The following TMEM131L variants were observed in gnomAD, a reference collection of about 807,000 sequenced individuals.
The protein encoded by TMEM131L is transmembrane 131 like.
Under a neutral mutation model 192.2 loss-of-function variants are expected in TMEM131L, and 54 were observed. The observed-to-expected ratio is 0.28, with a 90% CI of 0.23 to 0.35. TMEM131L has a LOEUF of 0.35. Among genes scored for constraint, TMEM131L ranks in the 10% least tolerant of loss-of-function variants. The pLI, the probability that TMEM131L is intolerant of heterozygous loss-of-function variation, is 1.00. For missense variants in TMEM131L, 1,888 were observed against 1,972.9 expected (o/e 0.96, Z 0.82); for synonymous variants, 701 against 704.9 (o/e 0.99, Z 0.09).
chr4:153,478,795 A>G (rs1731725329), intron 3 of TMEM131L, among the ~76,000 whole-genome samples: 1 of 152,188 alleles, frequency 6.6e-6, no homozygotes, highest in Admixed American at 6.5e-5. Context: ...TTATTTATGA[A>G]GTTATTAACA....
At chr4:153,557,250 G>A (rs1257648641) in intron 6 of TMEM131L, among the ~76,000 whole-genome samples, 168 bp downstream of exon 6, 1 of 152,192 alleles carries the variant, frequency 6.6e-6, no homozygotes, top group East Asian at 1.9e-4. Flanking sequence ...TTTTCTGCCT[G>A]ACATGCCACA....
chr4:153,521,911 C>A (rs1445214577), intron 3 of TMEM131L, among the ~76,000 whole-genome samples: 1 of 147,992 alleles, frequency 6.8e-6, no homozygotes, highest in Non-Finnish European at 1.5e-5. Flanking sequence ...ACAAGAAGTG[C>A]ATGTTTATTT....
In TMEM131L at chr4:153,602,544, T is replaced by C; in HGVS notation, c.2456T>C (p.Phe819Ser). Residue 819 changes from phenylalanine (F) to serine (S), a missense_variant and splice_region_variant, in exon 23 of 35, where the codon TTC becomes TCC. By Grantham distance (155) the Phe-to-Ser change is radical (BLOSUM62 -2). Coordinates refer to ENST00000409959, the MANE Select transcript of TMEM131L (RefSeq NM_001131007.2). Reference protein sequence around the residue: ...PNTSRDISIVFTPDFTSSWVI... With the variant: ...PNTSRDISIVSTPDFTSSWVI... ...AAAGATGACTCTTTTATTTTCAGGT[T>C]CACTCCAGACTTTACCTCCTCCTGG... 1 of 1,613,318 alleles carries C rather than the reference T, an allele frequency of 6.2e-7. No homozygotes were observed. Among genetic ancestry groups the C allele is most frequent in the Non-Finnish European group, 8.5e-7 (1 of 1,179,712 alleles).
intron 31 of TMEM131L, among the ~76,000 whole-genome samples, chr4:153,628,672 C>A (rs1360434804): frequency 1.3e-5 from 2 of 152,256 alleles, no homozygotes; most frequent in East Asian, 3.9e-4. Flanking sequence ...ATTAAATAAT[C>A]CATAGTTTGC....
chr4:153,611,159 GGCTGCTCCACA>G (rs1732583243), intron 25 of TMEM131L, among the ~76,000 whole-genome samples: 2 of 152,210 alleles, frequency 1.3e-5, no homozygotes. Context: ...TCTGCCGATT[GGCTGCTCCACA>G]GGGGCAGGGC....
At chr4:153,604,491 A>C (rs1212109187) in intron 25 of TMEM131L, 61 bp downstream of exon 25, 3 of 1,466,260 alleles carry the variant, frequency 2.0e-6, no homozygotes, top group Admixed American at 4.3e-5. Flanking sequence ...TTTTTAATGG[A>C]ATTGTTCTCA....
chr4:153,628,927 C>G (rs1285637398), intron 31 of TMEM131L, among the ~76,000 whole-genome samples: 1 of 152,148 alleles, frequency 6.6e-6, no homozygotes, highest in Admixed American at 6.5e-5. Flanking sequence ...CAGTCTGTTG[C>G]CTGCAAAGCT....
intron 3 of TMEM131L, among the ~76,000 whole-genome samples, chr4:153,504,545 C>G (rs904643107): frequency 6.6e-6 from 1 of 152,010 alleles, no homozygotes; most frequent in Non-Finnish European, 1.5e-5. Context: ...GCCTTAGCCT[C>G]CCAAAGTGCT....
intron 17 of TMEM131L, 96 bp from the exon 18 acceptor site, chr4:153,592,379 A>G (rs1371158): frequency 0.29 from 223,666 of 759,620 alleles, 34,564 homozygotes; most frequent in Non-Finnish European, 0.33. Context: ...GTTACATGAT[A>G]TTTCCTCATG....
intron 19 of TMEM131L, among the ~76,000 whole-genome samples, chr4:153,595,458 T>C (rs1578826866): frequency 1.2e-5 from 1 of 81,232 alleles, no homozygotes; most frequent in African/African-American, 3.6e-5. Flanking sequence ...ATGAATCAAA[T>C]AATCAAATAC....
At position 153,587,725 on chromosome 4, in the gene TMEM131L, A is replaced by G. The variant is rs769489028; in HGVS notation, c.1483-17A>G. On this transcript the variant is annotated splice_polypyrimidine_tract_variant and intron_variant, in intron 14 of 34. Transcript: ENST00000409959. ...GTGCTGTGTTTTAAGTTATTCATAT[A>G]TTACTTTTCAATCTAGGAAGGGAGT... 2.6e-6 allele frequency: 4 copies of G among 1,566,204 alleles called. No individual in the cohort carries two copies. Among genetic ancestry groups the G allele is most frequent in the Non-Finnish European group, 3.5e-6 (4 of 1,136,326 alleles).
chr4:153,615,051 C>A (rs1420504197), intron 26 of TMEM131L, among the ~76,000 whole-genome samples: 1 of 152,136 alleles, frequency 6.6e-6, no homozygotes, highest in East Asian at 1.9e-4. Flanking sequence ...ACGTTAAGAG[C>A]ATGCACTTTA....
intron 3 of TMEM131L, among the ~76,000 whole-genome samples, chr4:153,496,168 GA>G (rs776750678): frequency 4.6e-5 from 7 of 152,184 alleles, no homozygotes; most frequent in Non-Finnish European, 1.0e-4. Flanking sequence ...TAACGGATAG[GA>G]ATTCTTTAGA....
At chr4:153,609,045 A>G in intron 25 of TMEM131L, among the ~76,000 whole-genome samples, 1 of 152,136 alleles carries the variant, frequency 6.6e-6, no homozygotes, top group East Asian at 1.9e-4. Context: ...ACTGTGGTAC[A>G]CTCTTACTCA....
At chr4:153,624,795 A>G (rs1733714335) in intron 29 of TMEM131L, among the ~76,000 whole-genome samples, 1 of 152,204 alleles carries the variant, frequency 6.6e-6, no homozygotes, top group Non-Finnish European at 1.5e-5. Flanking sequence ...TGATGAACAC[A>G]AGCCATAGAG....
At chr4:153,569,474 C>G (rs914529686) in intron 7 of TMEM131L, among the ~76,000 whole-genome samples, 1 of 152,236 alleles carries the variant, frequency 6.6e-6, no homozygotes, top group African/African-American at 2.4e-5. Flanking sequence ...ATCCCAAATT[C>G]TTTTCAACTG....
In TMEM131L at chr4:153,592,480, G is replaced by A. The variant is rs557896650; in HGVS notation, c.1818G>A (p.Lys606=). The part of the protein sequence containing the change: ...SATALRSRMI[K]YFVVQNPSSW... Reference sequence around the variant, plus strand: ...TTTTCTTTCCTCACACCTAGATCAAGTACTTTGTGGTGCAGAACCCGTCCT... The same window carrying A: ...TTTTCTTTCCTCACACCTAGATCAAATACTTTGTGGTGCAGAACCCGTCCT... Residue 606 remains lysine (K), a synonymous_variant, in exon 18 of 35, where the codon AAG becomes AAA. Transcript: ENST00000409959. 9.9e-6 allele frequency: 16 copies of A among 1,613,076 alleles called. No individual in the cohort carries two copies. In the South Asian group the frequency reaches 1.4e-4, roughly 14 times the overall value.
rs545239362 is a variant in TMEM131L, at chr4:153,612,175, G to A, written c.3419-77G>A. 2.0e-5 allele frequency: 21 copies of A among 1,053,822 alleles called. No homozygotes were observed. In the East Asian group the frequency reaches 4.2e-4, roughly 21 times the overall value. The allele number at this position is 1,053,822 out of a possible 1,614,324, so 65.3% of individuals were successfully genotyped here. A position where few individuals can be genotyped will look rare whatever the true frequency, so the allele number is the denominator to read the frequency against. ...TAACTCTCATGAAGTCAAATTAGATGTTTGGTGTAGGAAAGAAGATGGGGA... is the reference window on the plus strand; with the variant it reads ...TAACTCTCATGAAGTCAAATTAGATATTTGGTGTAGGAAAGAAGATGGGGA... On this transcript the variant is annotated intron_variant, in intron 25 of 34. Transcript: ENST00000409959.
At chr4:153,502,991 T>G (rs564845003) in intron 3 of TMEM131L, among the ~76,000 whole-genome samples, 3 of 152,040 alleles carry the variant, frequency 2.0e-5, no homozygotes, top group African/African-American at 7.2e-5. Flanking sequence ...TTTCCTCTAC[T>G]CTTCCTGACC....
Sources: allele counts gnomAD v4.1 joint callset (sites outside exome capture counted in the v4.1 genomes callset), GRCh38; gene constraint gnomAD v4.1.1; transcripts MANE v1.5; gene names NCBI Gene and HGNC (gene_info 2026-07-23, HGNC 2026-07-21).